PER2: variants seen among roughly 807,000 people sequenced by gnomAD.
PER2 encodes the protein period circadian regulator 2.
In PER2, 66 loss-of-function variants were observed where a neutral mutation model predicts 121.0. That is an observed-to-expected ratio of 0.55 (90% CI 0.45 to 0.67). PER2 has a LOEUF of 0.67. PER2 is among the 30% of genes least tolerant of loss of function. PER2 has a pLI of 0.00. For synonymous variants in PER2, 684 were observed against 659.9 expected (o/e 1.04, Z -0.56); for missense variants, 1,521 against 1,635.0 (o/e 0.93, Z 1.20).
rs572428853 is a variant in PER2 at position 238,286,417 on chromosome 2, T to G, written c.-20+1932A>C. On this transcript the variant is annotated intron_variant, in intron 1 of 22. Transcript: ENST00000254657. Reference sequence around the variant, plus strand: ...TGCTATTCATTTACTGCTTCTAATTTGCTCTAGACTTGGAGATATGGTAAC... The same window carrying G: ...TGCTATTCATTTACTGCTTCTAATTGGCTCTAGACTTGGAGATATGGTAAC... Among the ~76,000 whole-genome samples the G allele has an allele frequency of 1.8e-4, 27 of 152,280 alleles. 1 individual carries two copies. The highest frequency in any genetic ancestry group is 1.6e-3 in the Admixed American group (25 of 15,308).
At chr2:238,265,716 A>C in intron 8 of PER2, 126 bp from the exon 9 acceptor site, 227 of 662,434 alleles carry the variant, frequency 3.4e-4, no homozygotes, top group East Asian at 4.4e-4. Flanking sequence ...AAATTAAAAC[A>C]TGGACTCTGA....
At chr2:238,290,588 C>A (rs972168326), upstream of PER2, among the ~76,000 whole-genome samples, 3 of 152,096 alleles carry the variant, frequency 2.0e-5, no homozygotes, top group Admixed American at 6.5e-5. Flanking sequence ...GAAATCAATT[C>A]TTTTAGAAAT....
At position 238,277,794 on chromosome 2, in the gene PER2, G is replaced by A; in HGVS notation, c.143C>T (p.Ser48Phe). Residue 48 changes from serine (S) to phenylalanine (F), a missense_variant, in exon 2 of 23, where the codon TCC becomes TTC. By Grantham distance (155) the Ser-to-Phe change is radical (BLOSUM62 -2). Transcript: ENST00000254657. ...ACTGCCCTGCGAGTCCCGCCCCGTGGAGCAGTTTTCGTTGGTCTCATGTCC... is the reference window on the plus strand; with the variant it reads ...ACTGCCCTGCGAGTCCCGCCCCGTGAAGCAGTTTTCGTTGGTCTCATGTCC... ...SSGHETNENCSTGRDSQGSDC... is the reference protein window; with the variant it reads ...SSGHETNENCFTGRDSQGSDC... The A allele has an allele frequency of 6.2e-7, 1 of 1,614,206 alleles. No homozygotes were observed. The highest frequency in any genetic ancestry group is 8.5e-7 in the Non-Finnish European group (1 of 1,180,040).
rs1475491179 is a variant in PER2 at position 238,268,070 on chromosome 2, T to C, written c.953A>G (p.His318Arg). The C allele has an allele frequency of 6.2e-7, 1 of 1,613,808 alleles. No homozygotes were observed. Among genetic ancestry groups the C allele is most frequent in the South Asian group, 1.1e-5 (1 of 91,076 alleles). The change falls in exon 8 of 23, where the codon CAC becomes CGC. Residue 318 changes from histidine (H) to arginine (R), a missense_variant. Transcript: ENST00000254657. This position sits in a 1 kb window ranked among gnomAD's most constrained non-coding sequence, Gnocchi z 4.0. ...LCCLLLAERVHSGYEAPRIPP... is the reference protein window; with the variant it reads ...LCCLLLAERVRSGYEAPRIPP... The stretch of plus-strand genomic sequence containing the variant: ...TTGGCTGTTACCTTCATAACCAGAG[T>C]GCACTCTCTCTGCCAGCAGAAGGCA...
At chr2:238,271,076 T>C (rs1339058734) in intron 6 of PER2, among the ~76,000 whole-genome samples, 4 of 152,242 alleles carry the variant, frequency 2.6e-5, no homozygotes, top group Admixed American at 6.5e-5. Context: ...ATTTCTAAAA[T>C]GCCTAACGGT....
the PER2 span, chr2:238,295,973 A>G: frequency 3.9e-6 from 1 of 259,064 alleles, no homozygotes; most frequent in Non-Finnish European, 7.7e-6. Flanking sequence ...GAATGAAGCA[A>G]ATGGTAGGTC....
Position 238,256,980 on chromosome 2 carries a change from C to T in PER2, c.2007G>A (p.Gln669=), listed in dbSNP as rs765001703. 1 of 1,614,046 alleles carries T rather than the reference C, an allele frequency of 6.2e-7. No homozygotes were observed. The highest frequency in any genetic ancestry group is 8.5e-7 in the Non-Finnish European group (1 of 1,180,018). Residue 669 remains glutamine, a synonymous_variant, in exon 17 of 23, where the codon CAG becomes CAA. Coordinates refer to ENST00000254657, the MANE Select transcript of PER2 (RefSeq NM_022817.3). ...KAESVASLTS[Q]CSYSSTIVHV... is the part of the protein sequence containing the mutation. Reference sequence around the variant, plus strand: ...GGACGATGGTGCTGCTGTAGCTGCACTGGCTGGTGAGCGACGCCACACTCT... The same window carrying T: ...GGACGATGGTGCTGCTGTAGCTGCATTGGCTGGTGAGCGACGCCACACTCT...
In PER2 at chr2:238,273,083, A is replaced by G. The variant is rs1355417201; in HGVS notation, c.557T>C (p.Ile186Thr). ...EEMESVTSEH[I>T]VKNADMFAVA... ...AAAGAGGCTTACGGCATTCTTCACA[A>G]TGTGCTCAGAGGTAACGCTCTCCAT... The change falls in exon 5 of 23, where the codon ATT (isoleucine) becomes ACT (threonine). Residue 186 changes from isoleucine (I) to threonine (T), a missense_variant. Coordinates refer to ENST00000254657, the MANE Select transcript of PER2 (RefSeq NM_022817.3). 10 of 1,614,024 alleles carry G rather than the reference A, an allele frequency of 6.2e-6. No homozygotes were observed. In the South Asian group the frequency reaches 1.1e-4, roughly 18 times the overall value.
chr2:238,280,555 T>A (rs1696599275), intron 1 of PER2, among the ~76,000 whole-genome samples: 1 of 152,090 alleles, frequency 6.6e-6, no homozygotes, highest in Non-Finnish European at 1.5e-5. Context: ...GGCCACTGAC[T>A]GAGATGAAAA....
chr2:238,295,943 G>T, the PER2 span: 1 of 234,170 alleles, frequency 4.3e-6, no homozygotes, highest in Non-Finnish European at 8.7e-6. Flanking sequence ...TTTGCATGAT[G>T]AGGGGTGACA....
upstream of PER2, chr2:238,289,424 G>C (rs2106337702): frequency 6.6e-6 from 1 of 152,326 alleles, no homozygotes; most frequent in African/African-American, 2.4e-5. Context: ...CACTTGTCCC[G>C]GCAGCTACCA....
At chr2:238,295,154 G>C in the PER2 span, among the ~76,000 whole-genome samples, 1 of 152,216 alleles carries the variant, frequency 6.6e-6, no homozygotes, top group Admixed American at 6.5e-5. Context: ...GCCCAACATG[G>C]AAAAACATCA....
chr2:238,265,107 G>A (rs1006005221), intron 9 of PER2, among the ~76,000 whole-genome samples: 2 of 152,206 alleles, frequency 1.3e-5, no homozygotes, highest in Admixed American at 6.5e-5. Flanking sequence ...CCCAAGTGGG[G>A]CTCTGAGGCA....
In PER2 at chr2:238,255,785, G is replaced by C; in HGVS notation, c.2192C>G (p.Ala731Gly). 6.2e-7 allele frequency: 1 copy of C among 1,614,172 alleles called. No individual in the cohort carries two copies. Among genetic ancestry groups the C allele is most frequent in the East Asian group, 2.2e-5 (1 of 44,876 alleles). ...KKLGLTKEVL[A>G]AHTQKEEQSF... ...CTGCTCCTCCTTCTGTGTGTGTGCA[G>C]CGAGTACCTCCTTGGTGAGGCCCAG... Residue 731 changes from alanine to glycine, a missense_variant, in exon 18 of 23, where the codon GCT (alanine) becomes GGT (glycine). Coordinates refer to ENST00000254657, the MANE Select transcript of PER2 (RefSeq NM_022817.3).
intron 6 of PER2, 151 bp from the exon 7 acceptor site, chr2:238,269,125 G>C: frequency 1.5e-6 from 1 of 684,092 alleles, no homozygotes; most frequent in Non-Finnish European, 2.6e-6. Context: ...TCCTTTATGT[G>C]AGAAACCTTC....
At chr2:238,259,855 C>T (rs779050356) in intron 14 of PER2, 114 bp downstream of exon 14, 13 of 672,368 alleles carry the variant, frequency 1.9e-5, no homozygotes, top group East Asian at 5.5e-5. Flanking sequence ...GGGTGTGACA[C>T]GGCTACAAGG....
chr2:238,277,716 G>C lies in PER2; in HGVS notation c.221C>G (p.Ala74Gly). ...CAGAGGCTGAACTCACCTCTGGCGG[G>C]CATCCGGTGGCTCCACCAGCATCCC... ...ELGMLVEPPDARQSPDTFSLM... is the reference protein window; with the variant it reads ...ELGMLVEPPDGRQSPDTFSLM... The change falls in exon 2 of 23, where the codon GCC becomes GGC. Residue 74 changes from alanine to glycine, a missense_variant. Physicochemically the swap from Ala to Gly is moderately conservative, Grantham distance 60. Coordinates refer to ENST00000254657, the MANE Select transcript of PER2 (RefSeq NM_022817.3). The C allele has an allele frequency of 6.2e-7, 1 of 1,614,036 alleles. No individual in the cohort carries two copies. Among genetic ancestry groups the C allele is most frequent in the Non-Finnish European group, 8.5e-7 (1 of 1,180,008 alleles).
intron 9 of PER2, among the ~76,000 whole-genome samples, chr2:238,265,198 T>A (rs1184048899): frequency 3.3e-5 from 5 of 152,212 alleles, no homozygotes; most frequent in Non-Finnish European, 7.3e-5. Flanking sequence ...GCCAATGGCA[T>A]CTCCGGCTTC....
At chr2:238,269,095 T>C (rs1325930173) in intron 6 of PER2, 121 bp from the exon 7 acceptor site, 2 of 771,138 alleles carry the variant, frequency 2.6e-6, no homozygotes, top group Non-Finnish European at 4.6e-6. Context: ...AACTGAAAAT[T>C]TATGGAAGCA....
Sources: gnomAD v4.1 joint callset for allele counts (sites outside exome capture counted in the v4.1 genomes callset) on GRCh38, gnomAD v4.1.1 for gene constraint, Gnocchi (gnomAD v3.1) non-coding constraint, MANE v1.5 for transcripts, NCBI Gene and HGNC (gene_info 2026-07-23, HGNC 2026-07-21) for gene names.